Variants in AP2A1 observed in about 807,000 individuals in gnomAD.
AP2A1 encodes AP-2 complex subunit alpha-1.
Under a neutral mutation model 107.3 loss-of-function variants are expected in AP2A1, and 21 were observed. That is an observed-to-expected ratio of 0.20 (90% CI 0.14 to 0.28). The LOEUF (loss-of-function observed/expected upper bound fraction) is 0.28, where lower values mean the gene tolerates loss of function less well. AP2A1 is among the 10% of genes least tolerant of loss of function. The pLI, the probability that AP2A1 is intolerant of heterozygous loss-of-function variation, is 1.00. For missense variants in AP2A1, 873 were observed against 1,307.7 expected, an observed-to-expected ratio of 0.67 and a Z score of 5.13; for synonymous variants, 602 against 564.8, an observed-to-expected ratio of 1.07 and a Z score of -0.93.
At chr19:49,794,692 C>T (rs988770892) in intron 6 of AP2A1, among the ~76,000 whole-genome samples, 11 of 151,716 alleles carry the variant, frequency 7.3e-5, no homozygotes, top group South Asian at 6.2e-4. Context: ...GATGGAGTTT[C>T]GCTCTTATTG....
chr19:49,786,648 A>G (rs2084740669), intron 4 of AP2A1, among the ~76,000 whole-genome samples: 1 of 152,232 alleles, frequency 6.6e-6, no homozygotes, highest in African/African-American at 2.4e-5. Context: ...GGATCAGGCC[A>G]TGACTCAGAA....
chr19:49,780,476 C>T (rs2084663097), intron 1 of AP2A1, among the ~76,000 whole-genome samples: 1 of 152,038 alleles, frequency 6.6e-6, no homozygotes, highest in Admixed American at 6.6e-5. Flanking sequence ...GGCCAGGGGG[C>T]CTGGATGGAC....
At position 49,801,908 on chromosome 19, in the gene AP2A1, G is replaced by C; in HGVS notation, c.1953+19G>C. ...CACTGTGGTGAGTCCCCTGGGGTGGGCCCTGCCAGGGTGCCTGGGGCTGGG... is the reference window on the plus strand; with the variant it reads ...CACTGTGGTGAGTCCCCTGGGGTGGCCCCTGCCAGGGTGCCTGGGGCTGGG... On this transcript the variant is annotated intron_variant, in intron 14 of 22. Transcript: ENST00000354293. 6.8e-7 allele frequency: 1 copy of C among 1,464,140 alleles called. No individual in the cohort carries two copies. Among genetic ancestry groups the C allele is most frequent in the Non-Finnish European group, 9.0e-7 (1 of 1,111,760 alleles). 90.7% of individuals were successfully genotyped at this position (1,464,140 alleles called of 1,614,324 possible).
intron 19 of AP2A1, 29 bp downstream of exon 19, chr19:49,805,605 C>T: frequency 6.4e-7 from 1 of 1,556,764 alleles, no homozygotes; most frequent in Non-Finnish European, 8.7e-7. Flanking sequence ...GGCCGGTGGG[C>T]GGAGCCTCCG....
At chr19:49,796,277 T>G (rs1294930007) in intron 7 of AP2A1, 2 of 153,682 alleles carry the variant, frequency 1.3e-5, no homozygotes. Flanking sequence ...GAACAGCCAG[T>G]GTGATATGCA....
Position 49,801,632 on chromosome 19 carries a change from T to C in AP2A1, c.1785+11T>C, listed in dbSNP as rs1193309326. ...AGCACCGACGTCCTGGTCAGAGCCC[T>C]GTCCCCCCACCCCACCCCTCTTGCA... On this transcript the variant is annotated intron_variant, in intron 13 of 22. Coordinates refer to ENST00000354293, the MANE Select transcript of AP2A1 (RefSeq NM_130787.3). 3.8e-6 allele frequency: 6 copies of C among 1,592,486 alleles called. No homozygotes were observed. Among genetic ancestry groups the C allele is most frequent in the Non-Finnish European group, 5.1e-6 (6 of 1,169,064 alleles).
intron 9 of AP2A1, 51 bp from the exon 10 acceptor site, chr19:49,799,578 T>C: frequency 1.2e-6 from 2 of 1,600,196 alleles, no homozygotes; most frequent in Non-Finnish European, 1.7e-6. Context: ...TGGCCAACCC[T>C]GTGCCAACAG....
In AP2A1 at chr19:49,792,033, G is replaced by C. The variant is rs1177928985; in HGVS notation, c.572G>C (p.Arg191Pro). 8.7e-6 allele frequency: 14 copies of C among 1,612,524 alleles called. No individual in the cohort carries two copies. In the South Asian group the frequency reaches 1.5e-4, roughly 18 times the overall value. The change falls in exon 5 of 23, where the codon CGT becomes CCT. Residue 191 changes from arginine (R) to proline (P), a missense_variant. Transcript: ENST00000354293. Reference sequence around the variant, plus strand: ...GTGCCCATGGGCGAGTGGACGGCGCGTGTGGTACACCTGCTCAATGACCAG... The same window carrying C: ...GTGCCCATGGGCGAGTGGACGGCGCCTGTGGTACACCTGCTCAATGACCAG... ...DLVPMGEWTA[R>P]VVHLLNDQHM...
chr19:49,769,533 C>A (rs2084536313), intron 1 of AP2A1, among the ~76,000 whole-genome samples: 1 of 151,958 alleles, frequency 6.6e-6, no homozygotes, highest in African/African-American at 2.4e-5. Flanking sequence ...GAGGTTGCGG[C>A]ATGCTTGACA....
At chr19:49,780,712 T>A (rs532177282) in intron 1 of AP2A1, among the ~76,000 whole-genome samples, 1 of 151,980 alleles carries the variant, frequency 6.6e-6, no homozygotes, top group East Asian at 1.9e-4. Flanking sequence ...GTTCTGAAGG[T>A]CAAGTTAGGA....
intron 22 of AP2A1, 75 bp from the exon 23 acceptor site, chr19:49,806,606 T>G: frequency 1.3e-6 from 2 of 1,598,292 alleles, no homozygotes; most frequent in Non-Finnish European, 8.5e-7. Flanking sequence ...CCTTCCTTCC[T>G]TCTATCTCCC....
chr19:49,802,230 C>A, intron 15 of AP2A1, 89 bp downstream of exon 15: 1 of 1,054,754 alleles, frequency 9.5e-7, no homozygotes, highest in Non-Finnish European at 1.4e-6. Context: ...CTGAGCCCCT[C>A]CCCCGCCCCC....
intron 1 of AP2A1, among the ~76,000 whole-genome samples, chr19:49,780,884 A>C (rs962524352): frequency 8.5e-5 from 13 of 152,116 alleles, no homozygotes; most frequent in Non-Finnish European, 1.8e-4. Flanking sequence ...TCAAAAATTA[A>C]AAGGACGAGG....
chr19:49,798,141 G>A (rs2073233697), intron 7 of AP2A1, among the ~76,000 whole-genome samples: 2 of 152,152 alleles, frequency 1.3e-5, no homozygotes, highest in South Asian at 4.1e-4. Context: ...TTGCTGGAAC[G>A]CTTGACAGCT....
At chr19:49,772,047 T>G (rs939395080) in intron 1 of AP2A1, among the ~76,000 whole-genome samples, 2 of 151,958 alleles carry the variant, frequency 1.3e-5, no homozygotes, top group Admixed American at 6.6e-5. Flanking sequence ...CTTGGCAACA[T>G]AGCAAGACCC....
intron 1 of AP2A1, among the ~76,000 whole-genome samples, chr19:49,778,297 C>T (rs1442254538): frequency 6.6e-6 from 1 of 152,156 alleles, no homozygotes; most frequent in Admixed American, 6.6e-5. Context: ...TAAACCTGCA[C>T]AGTGGCCAGG....
chr19:49,792,239 G>A (rs528067270), intron 5 of AP2A1, among the ~76,000 whole-genome samples, 175 bp downstream of exon 5: 34 of 140,040 alleles, frequency 2.4e-4, no homozygotes, highest in African/African-American at 8.7e-4. Context: ...TCACGCCCCC[G>A]GATACCCAGG....
chr19:49,770,955 G>A (rs1303813317), intron 1 of AP2A1, among the ~76,000 whole-genome samples: 2 of 152,080 alleles, frequency 1.3e-5, no homozygotes, highest in Non-Finnish European at 2.9e-5. Flanking sequence ...AAGTTCAGGC[G>A]ATTCTCCTGC....
intron 12 of AP2A1, 67 bp downstream of exon 12, chr19:49,801,125 C>A (rs575481758): frequency 1.2e-5 from 17 of 1,427,602 alleles, no homozygotes; most frequent in Middle Eastern, 1.8e-4. Context: ...TTGGGGGATC[C>A]CCAGGGGTCT....
Sources: allele counts gnomAD v4.1 joint callset (sites outside exome capture counted in the v4.1 genomes callset), GRCh38; gene constraint gnomAD v4.1.1; transcripts MANE v1.5; gene names NCBI Gene and HGNC (gene_info 2026-07-23, HGNC 2026-07-21).